The following GRIK2 variants were observed in gnomAD, a reference collection of about 807,000 sequenced individuals.
The protein encoded by GRIK2 is glutamate receptor ionotropic, kainate 2.
Under a neutral mutation model 100.3 loss-of-function variants are expected in GRIK2, and 32 were observed. That is an observed-to-expected ratio of 0.32 (90% CI 0.24 to 0.43). The LOEUF (loss-of-function observed/expected upper bound fraction) is 0.43. Ranked by LOEUF, GRIK2 falls within the 20% of genes least tolerant of loss-of-function variation. The probability of loss-of-function intolerance (pLI) is 1.00; values close to 1 mark genes in which losing one functional copy is unlikely to be tolerated. For synonymous variants in GRIK2, 417 were observed against 389.4 expected, an observed-to-expected ratio of 1.07 and a Z score of -0.83; for missense variants, 843 against 1,114.9, an observed-to-expected ratio of 0.76 and a Z score of 3.47.
At chr6:101,627,117 C>CTGTGTGTG (rs111285339) in intron 4 of GRIK2, among the ~76,000 whole-genome samples, 2,136 of 145,034 alleles carry the variant, frequency 0.015, 26 homozygotes, top group African/African-American at 0.027. Flanking sequence ...GTGTGTGTCT[C>CTGTGTGTG]TGTGTGTGTG....
chr6:102,010,252 T>C (rs2114309310), intron 14 of GRIK2, among the ~76,000 whole-genome samples: 1 of 152,236 alleles, frequency 6.6e-6, no homozygotes, highest in African/African-American at 2.4e-5. Flanking sequence ...TTTTGGGTTT[T>C]GAAAAATGTC....
At chr6:101,508,600 G>T (rs1774138082) in intron 2 of GRIK2, among the ~76,000 whole-genome samples, 1 of 151,984 alleles carries the variant, frequency 6.6e-6, no homozygotes, top group Admixed American at 6.6e-5. Context: ...AGATGTTAAG[G>T]CAAATGCATC....
chr6:101,604,051 G>C, intron 2 of GRIK2, among the ~76,000 whole-genome samples: 1 of 151,442 alleles, frequency 6.6e-6, no homozygotes, highest in Non-Finnish European at 1.5e-5. Context: ...AAAAAGTTTT[G>C]TCTTTATAAC....
Position 101,928,184 on chromosome 6 carries a change from A to C in GRIK2, c.1868-231A>C, listed in dbSNP as rs1790034458. 4 of 534,518 alleles carry C rather than the reference A, an allele frequency of 7.5e-6. No homozygotes were observed. In the South Asian group the frequency reaches 9.9e-5, roughly 13 times the overall value. The allele number at this position is 534,518 out of a possible 1,614,324, so 33.1% of individuals were successfully genotyped here. A position where few individuals can be genotyped will look rare whatever the true frequency, so the allele number is the denominator to read the frequency against. On this transcript the variant is annotated intron_variant, in intron 13 of 16. Transcript: ENST00000369134. ...GGAACTTTGCATCATCTCAGGTAGA[A>C]CATGAGTCTCCTGTCACTATATTTA... is the stretch of plus-strand genomic sequence containing the variant.
In GRIK2 at chr6:102,068,773, C is replaced by A; in HGVS notation, c.*262C>A. 3.7e-6 allele frequency: 1 copy of A among 270,518 alleles called. No individual in the cohort carries two copies. Among genetic ancestry groups the A allele is most frequent in the Non-Finnish European group, 7.0e-6 (1 of 142,976 alleles). The allele number at this position is 270,518 out of a possible 1,614,324, so 16.8% of individuals were successfully genotyped here. On this transcript the variant is annotated 3_prime_UTR_variant, in exon 17 of 17. Transcript: ENST00000369134. Reference sequence around the variant, plus strand: ...TCTTCTGAGTGAATGTTAACATGCGCATTTTGTGGCTGATTTCAAATGCAG... The same window carrying A: ...TCTTCTGAGTGAATGTTAACATGCGAATTTTGTGGCTGATTTCAAATGCAG...
intron 7 of GRIK2, among the ~76,000 whole-genome samples, chr6:101,716,686 A>G (rs1315366791): frequency 6.6e-6 from 1 of 151,622 alleles, no homozygotes; most frequent in African/African-American, 2.4e-5. Context: ...CCAACATGGC[A>G]CATGTATACA....
intron 7 of GRIK2, among the ~76,000 whole-genome samples, chr6:101,742,736 C>A (rs758448306): frequency 6.6e-6 from 1 of 152,066 alleles, no homozygotes; most frequent in Non-Finnish European, 1.5e-5. Flanking sequence ...GTTGTAGAGA[C>A]CAAAGTTTTA....
intron 14 of GRIK2, among the ~76,000 whole-genome samples, chr6:102,019,883 C>G (rs1769332520): frequency 6.6e-6 from 1 of 151,860 alleles, no homozygotes; most frequent in South Asian, 2.1e-4. Context: ...TTCATATTTA[C>G]TTAGTGTATT....
chr6:101,900,955 A>G (rs1787810369), intron 12 of GRIK2, among the ~76,000 whole-genome samples: 1 of 151,342 alleles, frequency 6.6e-6, no homozygotes, highest in South Asian at 2.1e-4. Flanking sequence ...ATTATTAGAA[A>G]TCTCTTGACC....
At chr6:101,608,823 ATGTG>A (rs750756976) in intron 2 of GRIK2, among the ~76,000 whole-genome samples, 24,432 of 109,114 alleles carry the variant, frequency 0.22, 2,384 homozygotes, top group African/African-American at 0.35. Context: ...GTATGTATGT[ATGTG>A]TGTGTGTGTC....
intron 10 of GRIK2, among the ~76,000 whole-genome samples, chr6:101,830,530 C>A (rs1163058382): frequency 6.6e-6 from 1 of 151,476 alleles, no homozygotes; most frequent in Non-Finnish European, 1.5e-5. Context: ...AGGAAATATC[C>A]CCATTAAAAA....
chr6:101,628,259 A>T (rs1405329905), intron 4 of GRIK2, among the ~76,000 whole-genome samples: 1 of 152,080 alleles, frequency 6.6e-6, no homozygotes, highest in African/African-American at 2.4e-5. Context: ...GGAAACTGGG[A>T]GCTACAGGAT....
At chr6:101,790,520 C>T (rs1174070015) in intron 7 of GRIK2, among the ~76,000 whole-genome samples, 6 of 145,402 alleles carry the variant, frequency 4.1e-5, no homozygotes, top group Non-Finnish European at 4.6e-5. Flanking sequence ...TATTGATTTG[C>T]GTATATTGAA....
chr6:101,517,805 G>T (rs999715616), intron 2 of GRIK2, among the ~76,000 whole-genome samples: 6 of 152,096 alleles, frequency 3.9e-5, no homozygotes, highest in African/African-American at 1.4e-4. Context: ...TTGCCTTTCA[G>T]TTCCTCAAGC....
intron 2 of GRIK2, among the ~76,000 whole-genome samples, chr6:101,595,050 C>T (rs1010199060): frequency 6.6e-5 from 10 of 151,166 alleles, no homozygotes; most frequent in Non-Finnish European, 1.3e-4. Context: ...GTTAAGGTAC[C>T]GAGAAACCTC....
chr6:101,576,755 A>T lies in GRIK2; in HGVS notation c.116-45194A>T, dbSNP rs566994569. ...TTACTTTTCTGTGTAAATGAGGAGAATTGCTGACAAACATAAGGCACCTGA... is the reference window on the plus strand; with the variant it reads ...TTACTTTTCTGTGTAAATGAGGAGATTTGCTGACAAACATAAGGCACCTGA... On this transcript the variant is annotated intron_variant, in intron 2 of 16. Transcript: ENST00000369134. Among the ~76,000 whole-genome samples the T allele has an allele frequency of 2.0e-5, 3 of 152,220 alleles. No individual in the cohort carries two copies. The East Asian group carries it at 5.8e-4, about 29-fold the overall frequency.
intron 2 of GRIK2, among the ~76,000 whole-genome samples, chr6:101,522,658 T>G (rs1007941856): frequency 1.3e-5 from 2 of 152,152 alleles, no homozygotes; most frequent in African/African-American, 2.4e-5. Context: ...CCACTAAACC[T>G]TGCATAAATG....
chr6:101,867,307 G>T (rs1785111930), intron 11 of GRIK2, among the ~76,000 whole-genome samples: 1 of 151,914 alleles, frequency 6.6e-6, no homozygotes, highest in Admixed American at 6.6e-5. Flanking sequence ...GAGACATTCT[G>T]TGATTATAAT....
chr6:101,664,199 A>G (rs1769842829), intron 4 of GRIK2, among the ~76,000 whole-genome samples: 1 of 152,164 alleles, frequency 6.6e-6, no homozygotes, highest in Non-Finnish European at 1.5e-5. Flanking sequence ...CTGCTTTTTC[A>G]CTAAACTGTC....
Sources: gnomAD v4.1 joint callset for allele counts (sites outside exome capture counted in the v4.1 genomes callset) on GRCh38, gnomAD v4.1.1 for gene constraint, MANE v1.5 for transcripts, NCBI Gene and HGNC (gene_info 2026-07-23, HGNC 2026-07-21) for gene names.